Variants in ANKRD30B observed in about 807,000 individuals in gnomAD.
ANKRD30B encodes the protein ankyrin repeat domain-containing protein 30B.
A neutral mutation model predicts 202.2 loss-of-function variants in ANKRD30B; 144 were observed. The observed-to-expected ratio is 0.71, with a 90% CI of 0.62 to 0.82. The LOEUF is 0.82. ANKRD30B is among the 40% of genes least tolerant of loss of function. ANKRD30B has a pLI of 0.00. For synonymous variants in ANKRD30B, 508 were observed against 561.3 expected (o/e 0.91, Z 1.34); for missense variants, 1,487 against 1,669.1 (o/e 0.89, Z 1.90).
At chr18:14,893,560 G>T in the ANKRD30B span, among the ~76,000 whole-genome samples, 42 of 151,824 alleles carry the variant, frequency 2.8e-4, no homozygotes, top group Middle Eastern at 0.014. Context: ...GCAGTGAGCC[G>T]AGATTTCACC....
At chr18:14,753,489 A>G (rs148373071) in intron 3 of ANKRD30B, among the ~76,000 whole-genome samples, 134 of 152,288 alleles carry the variant, frequency 8.8e-4, no homozygotes, top group Non-Finnish European at 1.3e-3. Flanking sequence ...GTGCCCACCT[A>G]GTTACATCAC....
intron 36 of ANKRD30B, among the ~76,000 whole-genome samples, chr18:14,840,233 T>C (rs1333401724): frequency 6.6e-6 from 1 of 152,206 alleles, no homozygotes; most frequent in Admixed American, 6.5e-5. Flanking sequence ...CATTATTATT[T>C]TTAAATTGAA....
In ANKRD30B at chr18:14,796,760, C is replaced by A. The variant is rs551777032; in HGVS notation, c.1927+345C>A. ...CAGGGGAATCACCACCTTGTCGTCC[C>A]GTAGTGCCAACAATTCACTGGATAT... On this transcript the variant is annotated intron_variant, in intron 18 of 43. Coordinates refer to ENST00000690538, the MANE Select transcript of ANKRD30B (RefSeq NM_001367607.2). Among the ~76,000 whole-genome samples the A allele has an allele frequency of 4.3e-5, 6 of 140,674 alleles. No homozygotes were observed. In the South Asian group the frequency reaches 1.4e-3, roughly 32 times the overall value. The allele number at this position is 140,674 out of a possible 152,430, so 92.3% of individuals were successfully genotyped here. A position where few individuals can be genotyped will look rare whatever the true frequency, so the allele number is the denominator to read the frequency against.
intron 18 of ANKRD30B, 147 bp from the exon 19 acceptor site, chr18:14,797,510 CAAAT>C (rs1968994282): frequency 1.2e-6 from 1 of 868,630 alleles, no homozygotes. Flanking sequence ...GGCATGTTAA[CAAAT>C]ACAATAACCC....
the ANKRD30B span, among the ~76,000 whole-genome samples, chr18:14,894,132 A>G: frequency 1.3e-5 from 2 of 152,030 alleles, no homozygotes; most frequent in East Asian, 1.9e-4. Flanking sequence ...TAGCTTCCCT[A>G]TTGTTTATCG....
the ANKRD30B span, among the ~76,000 whole-genome samples, chr18:14,926,979 C>A: frequency 6.6e-6 from 1 of 151,998 alleles, no homozygotes; most frequent in African/African-American, 2.4e-5. Context: ...TAGAGACTAT[C>A]TCTGAGAGGA....
intron 19 of ANKRD30B, 21 bp downstream of exon 19, chr18:14,797,710 A>T (rs1466206074): frequency 6.2e-7 from 1 of 1,608,946 alleles, no homozygotes; most frequent in Non-Finnish European, 8.5e-7. Flanking sequence ...TTATGTCTCT[A>T]TCTTGAATAT....
the ANKRD30B span, among the ~76,000 whole-genome samples, chr18:14,860,727 C>CA: frequency 6.6e-6 from 1 of 151,046 alleles, no homozygotes; most frequent in African/African-American, 2.4e-5. Flanking sequence ...TTTTTGGAGA[C>CA]AGAGTCTCAC....
chr18:14,874,304 AATT>A, the ANKRD30B span, among the ~76,000 whole-genome samples: 4 of 152,098 alleles, frequency 2.6e-5, no homozygotes, highest in Admixed American at 2.6e-4. Context: ...ATTTCACGTT[AATT>A]ATTATTATTA....
chr18:14,824,864 A>T (rs1423088871), intron 32 of ANKRD30B, among the ~76,000 whole-genome samples: 2 of 152,186 alleles, frequency 1.3e-5, no homozygotes, highest in African/African-American at 4.8e-5. Context: ...AGTCATAGAT[A>T]ACATGTGAAG....
chr18:14,793,962 G>C (rs1421791282), intron 16 of ANKRD30B, among the ~76,000 whole-genome samples: 2 of 151,814 alleles, frequency 1.3e-5, no homozygotes, highest in African/African-American at 4.8e-5. Context: ...TCTTCATGGT[G>C]ACTAAAAAGC....
chr18:14,798,151 A>G (rs1263864145), intron 20 of ANKRD30B, among the ~76,000 whole-genome samples: 4 of 151,322 alleles, frequency 2.6e-5, no homozygotes, highest in Admixed American at 1.3e-4. Flanking sequence ...AGACACAGAC[A>G]AGATAGTGAA....
chr18:14,757,067 A>AT (rs1157700068), intron 4 of ANKRD30B, among the ~76,000 whole-genome samples: 3 of 151,948 alleles, frequency 2.0e-5, no homozygotes, highest in South Asian at 2.1e-4. Flanking sequence ...TATTTTTTTC[A>AT]TTTTTTTCAT....
chr18:14,806,161 A>T (rs1246555265), intron 24 of ANKRD30B, among the ~76,000 whole-genome samples: 4 of 149,692 alleles, frequency 2.7e-5, no homozygotes, highest in Admixed American at 1.3e-4. Context: ...TGGAGCTTAC[A>T]GTCAGCCCAG....
At chr18:14,795,696 A>G (rs1281033998) in intron 16 of ANKRD30B, among the ~76,000 whole-genome samples, 1 of 152,218 alleles carries the variant, frequency 6.6e-6, no homozygotes, top group Non-Finnish European at 1.5e-5. Context: ...TGCAATGATA[A>G]GTAAATTGTA....
rs1454870299 is a variant in ANKRD30B at position 14,848,867 on chromosome 18, A to G, written c.3333A>G (p.Lys1111=). Residue 1111 remains lysine (K), a synonymous_variant, in exon 40 of 44, where the codon AAA becomes AAG. Transcript: ENST00000690538. The part of the protein sequence containing the change: ...CVLQKELSEA[K]EIKSQLENQK... ...TACAAAAGGAACTGTCAGAAGCGAA[A>G]GAAATAAAATCACAGTTAGAGAACC... 6.2e-7 allele frequency: 1 copy of G among 1,603,318 alleles called. No individual in the cohort carries two copies. Among genetic ancestry groups the G allele is most frequent in the Admixed American group, 1.7e-5 (1 of 58,158 alleles).
At chr18:14,843,780 C>T (rs1242072736) in intron 39 of ANKRD30B, among the ~76,000 whole-genome samples, 4 of 151,864 alleles carry the variant, frequency 2.6e-5, no homozygotes, top group Non-Finnish European at 2.9e-5. Context: ...GGGGACAGAG[C>T]GAGACTCCGT....
chr18:14,781,461 A>T (rs1967740692), intron 11 of ANKRD30B, among the ~76,000 whole-genome samples: 1 of 89,746 alleles, frequency 1.1e-5, no homozygotes, highest in African/African-American at 4.0e-5. Context: ...CGCCCAGCTA[A>T]TTTTTTTGCA....
chr18:14,840,450 A>T (rs996701049), intron 36 of ANKRD30B, 138 bp from the exon 37 acceptor site: 1 of 311,814 alleles, frequency 3.2e-6, no homozygotes, highest in Non-Finnish European at 6.0e-6. Context: ...GAGGCAGGAT[A>T]ATTACTTGGT....
Sources: allele counts gnomAD v4.1 joint callset (sites outside exome capture counted in the v4.1 genomes callset), GRCh38; gene constraint gnomAD v4.1.1; transcripts MANE v1.5; gene names NCBI Gene and HGNC (gene_info 2026-07-23, HGNC 2026-07-21).